The following PKHD1 variants were observed in gnomAD, a reference collection of about 807,000 sequenced individuals.
PKHD1 encodes the protein PKHD1 ciliary IPT domain containing fibrocystin/polyductin, also known as fibrocystin.
A neutral mutation model predicts 412.0 loss-of-function variants in PKHD1; 291 were observed. The ratio of observed to expected loss-of-function variants is 0.71; its 90% CI spans 0.64 to 0.78. PKHD1 has a LOEUF of 0.78. PKHD1 is among the 30% of genes least tolerant of loss of function. PKHD1 has a pLI of 0.00. For missense variants in PKHD1, 4,825 were observed against 4,950.7 expected, an observed-to-expected ratio of 0.97 and a Z score of 0.76; for synonymous variants, 1,777 against 1,821.5, an observed-to-expected ratio of 0.98 and a Z score of 0.62.
intron 48 of PKHD1, among the ~76,000 whole-genome samples, chr6:51,867,244 G>A (rs1205743506): frequency 6.6e-6 from 1 of 152,094 alleles, no homozygotes; most frequent in Non-Finnish European, 1.5e-5. Context: ...ATCATTACCT[G>A]GAAATTAAAG....
In PKHD1 at chr6:52,025,768, T is replaced by C. The variant is rs747829147; in HGVS notation, c.4042A>G (p.Ser1348Gly). The C allele has an allele frequency of 6.2e-7, 1 of 1,614,154 alleles. No homozygotes were observed. The highest frequency in any genetic ancestry group is 8.5e-7 in the Non-Finnish European group (1 of 1,180,028). The change falls in exon 32 of 67, where the codon AGC becomes GGC. Residue 1348 changes from serine to glycine, a missense_variant. By Grantham distance (56) the Ser-to-Gly change is moderately conservative. Transcript: ENST00000371117. ...AGAGGGATGGAGCATCCAGACAGGCTCACGTTGCCCTGGAAGGACTGTGTC... is the reference window on the plus strand; with the variant it reads ...AGAGGGATGGAGCATCCAGACAGGCCCACGTTGCCCTGGAAGGACTGTGTC... ...VETQSFQGNV[S>G]LSGCSIPLHS...
intron 33 of PKHD1, among the ~76,000 whole-genome samples, chr6:52,019,891 G>A (rs1267763065): frequency 6.6e-6 from 1 of 152,174 alleles, no homozygotes; most frequent in African/African-American, 2.4e-5. Flanking sequence ...GTAAAAATGG[G>A]TGACCTCCAA....
chr6:51,731,573 T>C (rs1414116306), intron 60 of PKHD1, among the ~76,000 whole-genome samples: 1 of 152,150 alleles, frequency 6.6e-6, no homozygotes, highest in Non-Finnish European at 1.5e-5. Flanking sequence ...CCAGGATCAA[T>C]TAGGTGCTCT....
intron 13 of PKHD1, 35 bp downstream of exon 13, chr6:52,064,920 C>G: frequency 1.0e-6 from 1 of 991,166 alleles, no homozygotes. Context: ...TAAAGATATT[C>G]AGAGTTTATT....
At chr6:51,818,737 A>C (rs938719731) in intron 52 of PKHD1, among the ~76,000 whole-genome samples, 2 of 152,172 alleles carry the variant, frequency 1.3e-5, no homozygotes, top group Admixed American at 1.3e-4. Flanking sequence ...TTAAGATGTA[A>C]ACAGAAGTGT....
At chr6:51,644,252 GA>G (rs1769782282) in intron 63 of PKHD1, among the ~76,000 whole-genome samples, 1 of 151,806 alleles carries the variant, frequency 6.6e-6, no homozygotes, top group Non-Finnish European at 1.5e-5. Context: ...AACATCAAAT[GA>G]TTATTCATTA....
chr6:51,902,981 A>T (rs781376598), intron 43 of PKHD1, among the ~76,000 whole-genome samples: 2 of 152,202 alleles, frequency 1.3e-5, no homozygotes, highest in Non-Finnish European at 2.9e-5. Flanking sequence ...CCACATTAAC[A>T]TAGTAAGATA....
At chr6:51,914,696 CA>C (rs758996729) in intron 37 of PKHD1, among the ~76,000 whole-genome samples, 4 of 152,032 alleles carry the variant, frequency 2.6e-5, no homozygotes, top group Non-Finnish European at 4.4e-5. Flanking sequence ...TGCTTGACTT[CA>C]AAGACTCTCC....
chr6:51,884,165 T>C (rs1777836480), intron 45 of PKHD1, among the ~76,000 whole-genome samples: 1 of 152,250 alleles, frequency 6.6e-6, no homozygotes, highest in South Asian at 2.1e-4. Context: ...TATTAATACA[T>C]AATGACTCAT....
intron 60 of PKHD1, among the ~76,000 whole-genome samples, chr6:51,742,417 CA>C (rs1784664479): frequency 6.6e-6 from 1 of 152,086 alleles, no homozygotes; most frequent in African/African-American, 2.4e-5. Context: ...TTAAAAGAAT[CA>C]TATGTAGAAA....
At chr6:51,938,931 A>G (rs931708642) in intron 36 of PKHD1, among the ~76,000 whole-genome samples, 2 of 151,320 alleles carry the variant, frequency 1.3e-5, no homozygotes, top group African/African-American at 4.8e-5. Flanking sequence ...TCTTCTCTTA[A>G]TTTCAGTTCC....
chr6:51,871,182 C>T (rs142992866), intron 46 of PKHD1, among the ~76,000 whole-genome samples: 124 of 152,186 alleles, frequency 8.1e-4, no homozygotes, highest in Middle Eastern at 6.8e-3. Flanking sequence ...TAGGTATTTA[C>T]CTTGGAGAAA....
rs755169390 is a variant in PKHD1 at position 51,753,337 on chromosome 6, C to T, written c.8814G>A (p.Thr2938=). 3.1e-6 allele frequency: 5 copies of T among 1,613,616 alleles called. No homozygotes were observed. Among genetic ancestry groups the T allele is most frequent in the Non-Finnish European group, 4.2e-6 (5 of 1,179,776 alleles). The part of the protein sequence containing the change: ...KHRHIGSVHV[T]EDGRHIRLAA... Reference sequence around the variant, plus strand: ...CCAAACGAATGTGTCGGCCATCCTCCGTGACATGTACACTTCCTGGGGCAA... The same window carrying T: ...CCAAACGAATGTGTCGGCCATCCTCTGTGACATGTACACTTCCTGGGGCAA... Residue 2938 remains threonine (T), a synonymous_variant, in exon 57 of 67, where the codon ACG becomes ACA. Transcript: ENST00000371117.
At chr6:52,026,320 C>T (rs774731555) in intron 31 of PKHD1, 139 bp from the exon 32 acceptor site, 6 of 781,974 alleles carry the variant, frequency 7.7e-6, no homozygotes, top group Non-Finnish European at 1.1e-5. Context: ...TTTCTCACCC[C>T]CACCAAAGCT....
chr6:51,906,398 T>C (rs1782102535), intron 40 of PKHD1, 58 bp from the exon 41 acceptor site: 2 of 1,368,314 alleles, frequency 1.5e-6, no homozygotes, highest in African/African-American at 2.9e-5. Context: ...CTGTTGACCA[T>C]ATTTAGAGCA....
Position 52,025,507 on chromosome 6 carries a change from T to A in PKHD1, c.4303A>T (p.Ser1435Cys). 6.2e-7 allele frequency: 1 copy of A among 1,613,604 alleles called. No homozygotes were observed. The highest frequency in any genetic ancestry group is 8.5e-7 in the Non-Finnish European group (1 of 1,179,684). ...LSGPFTCVIL[S>C]LGDHTILCQV... ...CAGAGAATGGTGTGGTCTCCCAAAC[T>A]CAAAATCACACAAGTAAAAGGACCC... The change falls in exon 32 of 67, where the codon AGT becomes TGT. Residue 1435 changes from serine (S) to cysteine (C), a missense_variant. Ser to Cys is a moderately radical substitution (Grantham distance 112, BLOSUM62 -1). Coordinates refer to ENST00000371117, the MANE Select transcript of PKHD1 (RefSeq NM_138694.4).
chr6:52,046,684 T>C (rs533800388), intron 23 of PKHD1, among the ~76,000 whole-genome samples: 2 of 152,356 alleles, frequency 1.3e-5, no homozygotes, highest in African/African-American at 4.8e-5. Flanking sequence ...AGTTTCTCTA[T>C]TAGAATTTTC....
chr6:51,648,376 A>T (rs779102909), intron 62 of PKHD1, among the ~76,000 whole-genome samples: 9 of 152,214 alleles, frequency 5.9e-5, no homozygotes, highest in African/African-American at 1.4e-4. Context: ...CTATGTTTAT[A>T]GAAAAGAATG....
chr6:51,641,919 T>G (rs551769149), intron 63 of PKHD1, among the ~76,000 whole-genome samples: 1 of 152,158 alleles, frequency 6.6e-6, no homozygotes, highest in South Asian at 2.1e-4. Flanking sequence ...AGGGGAGGGA[T>G]AGCATTAGGA....
Sources: gnomAD v4.1 joint callset for allele counts (sites outside exome capture counted in the v4.1 genomes callset) on GRCh38, gnomAD v4.1.1 for gene constraint, MANE v1.5 for transcripts, NCBI Gene and HGNC (gene_info 2026-07-23, HGNC 2026-07-21) for gene names.